The following DSCAM variants were observed in gnomAD, a reference collection of about 807,000 sequenced individuals.
DSCAM encodes cell adhesion molecule DSCAM.
Under a neutral mutation model 217.7 loss-of-function variants are expected in DSCAM, and 47 were observed. The observed-to-expected ratio is 0.22, with a 90% confidence interval of 0.17 to 0.28. The LOEUF (loss-of-function observed/expected upper bound fraction) is 0.28. DSCAM is among the 10% of genes least tolerant of loss of function. DSCAM has a pLI of 1.00. For synonymous variants in DSCAM, 1,056 were observed against 1,015.3 expected, an observed-to-expected ratio of 1.04 and a Z score of -0.76; for missense variants, 2,080 against 2,618.3, an observed-to-expected ratio of 0.79 and a Z score of 4.49.
intron 3 of DSCAM, among the ~76,000 whole-genome samples, chr21:40,512,666 C>T (rs1235448256): frequency 2.6e-5 from 4 of 151,928 alleles, no homozygotes; most frequent in East Asian, 1.9e-4. Flanking sequence ...CGATTTGTAC[C>T]GTTGCTCAGT....
At chr21:40,790,887 A>G (rs991590177) in intron 1 of DSCAM, among the ~76,000 whole-genome samples, 3 of 152,152 alleles carry the variant, frequency 2.0e-5, no homozygotes, top group African/African-American at 7.2e-5. Context: ...AGAAAAATAC[A>G]TTCAATCGGC....
chr21:40,450,147 TA>T (rs1004323914), intron 3 of DSCAM, among the ~76,000 whole-genome samples: 5 of 151,980 alleles, frequency 3.3e-5, no homozygotes, highest in African/African-American at 7.2e-5. Flanking sequence ...GGTACTCATT[TA>T]AAAAAAAATT....
chr21:40,343,670 T>C (rs1408071840), intron 6 of DSCAM, among the ~76,000 whole-genome samples: 2 of 152,122 alleles, frequency 1.3e-5, no homozygotes, highest in African/African-American at 4.8e-5. Flanking sequence ...AATCTATATG[T>C]ATATCAATGT....
chr21:40,059,959 A>G (rs1398001180), intron 28 of DSCAM, among the ~76,000 whole-genome samples: 1 of 152,230 alleles, frequency 6.6e-6, no homozygotes, highest in East Asian at 1.9e-4. Context: ...TAAATTGACC[A>G]GTTAGGTAAT....
chr21:40,267,288 G>T (rs555757312), intron 11 of DSCAM, among the ~76,000 whole-genome samples: 3 of 151,674 alleles, frequency 2.0e-5, no homozygotes, highest in Non-Finnish European at 4.4e-5. Flanking sequence ...TAAGTAGAAG[G>T]AGTAGTCTAA....
At chr21:40,055,677 A>G (rs1405067579) in intron 29 of DSCAM, 48 bp downstream of exon 29, 1 of 1,434,080 alleles carries the variant, frequency 7.0e-7, no homozygotes, top group East Asian at 2.3e-5. Flanking sequence ...TTGAGAAGGC[A>G]TGGCTGTGGC....
intron 32 of DSCAM, among the ~76,000 whole-genome samples, chr21:40,026,130 C>G (rs1470231270): frequency 1.4e-5 from 2 of 141,492 alleles, no homozygotes; most frequent in African/African-American, 5.0e-5. Context: ...TCGTTATGTA[C>G]CCAGTAGTCA....
At chr21:40,746,008 T>G (rs1225093211) in intron 1 of DSCAM, among the ~76,000 whole-genome samples, 2 of 151,998 alleles carry the variant, frequency 1.3e-5, no homozygotes, top group Non-Finnish European at 2.9e-5. Context: ...AACTATAACA[T>G]GATTTTAAGC....
chr21:40,237,835 T>C (rs2146936151), intron 11 of DSCAM, among the ~76,000 whole-genome samples: 1 of 152,358 alleles, frequency 6.6e-6, no homozygotes, highest in East Asian at 1.9e-4. Flanking sequence ...CCTTGGTTCA[T>C]GGCCTCTTGC....
At chr21:40,540,168 C>A (rs1568889797) in intron 3 of DSCAM, among the ~76,000 whole-genome samples, 2 of 152,192 alleles carry the variant, frequency 1.3e-5, no homozygotes, top group South Asian at 2.1e-4. Flanking sequence ...ACATTTGATG[C>A]CCGCTCACCT....
At chr21:40,042,300 C>A in intron 32 of DSCAM, 71 bp downstream of exon 32, 1 of 1,535,048 alleles carries the variant, frequency 6.5e-7, no homozygotes, top group Non-Finnish European at 8.8e-7. Context: ...AGGGCTTTCA[C>A]AGCAGATGAG....
At chr21:40,651,495 C>G (rs1189834693) in intron 3 of DSCAM, among the ~76,000 whole-genome samples, 3 of 152,128 alleles carry the variant, frequency 2.0e-5, no homozygotes, top group South Asian at 4.1e-4. Flanking sequence ...ATTCTGAATA[C>G]CTGCTCATAT....
In DSCAM at chr21:40,189,127, T is replaced by C; in HGVS notation, c.2468A>G (p.Lys823Arg). ...CTCAGGGTTAATGATTCGGTCCTCC[T>C]TCTCCCAGCGGACTATAATGGGCTT... ...GEKPIIVRWE[K>R]EDRIINPEMA... Residue 823 changes from lysine (K) to arginine (R), a missense_variant, in exon 12 of 33, where the codon AAG becomes AGG. Physicochemically the swap from Lys to Arg is conservative, Grantham distance 26. Transcript: ENST00000400454. 1 of 1,614,198 alleles carries C rather than the reference T, an allele frequency of 6.2e-7. No individual in the cohort carries two copies. The highest frequency in any genetic ancestry group is 8.5e-7 in the Non-Finnish European group (1 of 1,180,032).
intron 32 of DSCAM, among the ~76,000 whole-genome samples, chr21:40,037,868 C>T (rs1201177113): frequency 4.1e-5 from 6 of 146,148 alleles, no homozygotes; most frequent in Non-Finnish European, 9.0e-5. Flanking sequence ...TGCTGCATAT[C>T]TACAACTATC....
At chr21:40,642,504 G>A (rs1031492574) in intron 3 of DSCAM, among the ~76,000 whole-genome samples, 3 of 152,192 alleles carry the variant, frequency 2.0e-5, no homozygotes, top group Non-Finnish European at 4.4e-5. Flanking sequence ...CCCAGTTACA[G>A]GAGTTTTTGG....
intron 9 of DSCAM, among the ~76,000 whole-genome samples, chr21:40,302,183 A>G (rs1382842189): frequency 6.6e-6 from 1 of 152,280 alleles, no homozygotes; most frequent in Non-Finnish European, 1.5e-5. Context: ...CCAATAGATC[A>G]TGATATGGTT....
intron 3 of DSCAM, among the ~76,000 whole-genome samples, chr21:40,622,888 A>G (rs1473850895): frequency 1.3e-5 from 2 of 150,706 alleles, no homozygotes; most frequent in Non-Finnish European, 3.0e-5. Context: ...AAAAAAAATC[A>G]GCATTAAAGG....
At chr21:40,593,663 T>C (rs1439833943) in intron 3 of DSCAM, among the ~76,000 whole-genome samples, 4 of 152,202 alleles carry the variant, frequency 2.6e-5, no homozygotes, top group Non-Finnish European at 5.9e-5. Flanking sequence ...TTCAATATTA[T>C]AAAACTATTT....
At chr21:40,585,376 C>T (rs571483949) in intron 3 of DSCAM, among the ~76,000 whole-genome samples, 46 of 52,474 alleles carry the variant, frequency 8.8e-4, no homozygotes, top group Admixed American at 1.8e-3. Context: ...GCCGAGATCC[C>T]GCCACTGCAC....
Sources: allele counts gnomAD v4.1 joint callset (sites outside exome capture counted in the v4.1 genomes callset), GRCh38; gene constraint gnomAD v4.1.1; transcripts MANE v1.5; gene names NCBI Gene and HGNC (gene_info 2026-07-23, HGNC 2026-07-21).